AP3B1: variants seen among roughly 807,000 people sequenced by gnomAD.
AP3B1 encodes the protein AP-3 complex subunit beta-1.
AP3B1 carries 61 observed loss-of-function variants against 132.5 expected under a neutral mutation model. The ratio of observed to expected loss-of-function variants is 0.46; its 90% CI spans 0.37 to 0.57. The LOEUF is 0.57. Among genes scored for constraint, AP3B1 ranks in the 20% least tolerant of loss-of-function variants. The probability of loss-of-function intolerance (pLI) is 0.00; values close to 1 mark genes in which losing one functional copy is unlikely to be tolerated. For synonymous variants in AP3B1, 388 were observed against 438.3 expected (o/e 0.89, Z 1.43); for missense variants, 1,120 against 1,289.4 (o/e 0.87, Z 2.01).
intron 22 of AP3B1, among the ~76,000 whole-genome samples, chr5:78,075,297 T>C (rs1749719413): frequency 6.6e-6 from 1 of 152,252 alleles, no homozygotes; most frequent in African/African-American, 2.4e-5. Flanking sequence ...TGCACAATTA[T>C]CCTAATAATT....
intron 5 of AP3B1, among the ~76,000 whole-genome samples, chr5:78,226,462 C>T (rs993140653): frequency 3.9e-5 from 6 of 152,012 alleles, no homozygotes; most frequent in African/African-American, 1.4e-4. Context: ...CTTTACTTTC[C>T]GGTAACAAAA....
intron 6 of AP3B1, among the ~76,000 whole-genome samples, chr5:78,224,113 A>G (rs1257962461): frequency 6.6e-6 from 1 of 152,174 alleles, no homozygotes; most frequent in East Asian, 1.9e-4. Flanking sequence ...AATATTAATA[A>G]TATTGACTTC....
At chr5:78,249,244 G>A (rs1213684787) in intron 2 of AP3B1, among the ~76,000 whole-genome samples, 1 of 152,072 alleles carries the variant, frequency 6.6e-6, no homozygotes, top group Non-Finnish European at 1.5e-5. Flanking sequence ...GGGGGCACCT[G>A]TAATCCCAGC....
At chr5:78,175,061 G>C (rs1369912855) in intron 11 of AP3B1, among the ~76,000 whole-genome samples, 2 of 152,276 alleles carry the variant, frequency 1.3e-5, no homozygotes, top group African/African-American at 4.8e-5. Context: ...TCTGCCGGTT[G>C]CTAAGACCTT....
chr5:78,177,498 A>T, intron 8 of AP3B1, 62 bp from the exon 9 acceptor site: 1 of 1,160,200 alleles, frequency 8.6e-7, no homozygotes. Flanking sequence ...CAACCTCAAA[A>T]TCCATTCCTA....
chr5:78,008,482 C>T (rs186811398), intron 26 of AP3B1, among the ~76,000 whole-genome samples: 210 of 152,276 alleles, frequency 1.4e-3, no homozygotes, highest in East Asian at 7.1e-3. Flanking sequence ...CTGAGGTCCG[C>T]ATTTGTTTGT....
chr5:78,057,679 A>G (rs1748875215), intron 22 of AP3B1, among the ~76,000 whole-genome samples: 1 of 151,274 alleles, frequency 6.6e-6, no homozygotes, highest in African/African-American at 2.4e-5. Context: ...TTATTCTATG[A>G]TTTACTTAAA....
intron 22 of AP3B1, among the ~76,000 whole-genome samples, chr5:78,083,178 T>C (rs1429664509): frequency 6.6e-6 from 1 of 152,150 alleles, no homozygotes; most frequent in Non-Finnish European, 1.5e-5. Flanking sequence ...AACATAATCT[T>C]AAATAGTGAG....
At chr5:78,149,817 T>A (rs1232251905) in intron 14 of AP3B1, among the ~76,000 whole-genome samples, 2 of 152,230 alleles carry the variant, frequency 1.3e-5, no homozygotes, top group African/African-American at 4.8e-5. Context: ...CTATGAGAAG[T>A]CTTGGCTTTG....
rs181709183 is a variant in AP3B1, at chr5:78,072,809, C to T, written c.2577+16584G>A. 3.4e-5 allele frequency among the ~76,000 whole-genome samples: 5 copies of T among 145,958 alleles called. No homozygotes were observed. The East Asian group carries it at 8.4e-4, about 24-fold the overall frequency. ...CAATCTCCGCTCATTGCAACCTCCA[C>T]CTCCCAGGTTCAGGCAATTCTCCTG... On this transcript the variant is annotated intron_variant, in intron 22 of 26. Coordinates refer to ENST00000255194, the MANE Select transcript of AP3B1 (RefSeq NM_003664.5).
intron 7 of AP3B1, among the ~76,000 whole-genome samples, chr5:78,184,128 C>T (rs963300569): frequency 2.0e-5 from 3 of 150,704 alleles, no homozygotes; most frequent in Non-Finnish European, 3.0e-5. Context: ...GAGATTGCGC[C>T]ACTGCACTCC....
intron 17 of AP3B1, among the ~76,000 whole-genome samples, chr5:78,117,287 C>T (rs1251734254): frequency 6.7e-6 from 1 of 149,682 alleles, no homozygotes; most frequent in African/African-American, 2.5e-5. Context: ...TTCTGGAGAG[C>T]AGGGAATTTA....
At chr5:78,261,041 T>C (rs1580559388) in intron 2 of AP3B1, among the ~76,000 whole-genome samples, 1 of 152,234 alleles carries the variant, frequency 6.6e-6, no homozygotes, top group Non-Finnish European at 1.5e-5. Flanking sequence ...TTCCACCTAT[T>C]GGCTTCTATA....
chr5:78,020,994 G>C (rs117001247), intron 24 of AP3B1, among the ~76,000 whole-genome samples: 1 of 151,592 alleles, frequency 6.6e-6, no homozygotes, highest in African/African-American at 2.4e-5. Context: ...TCTCAATCAA[G>C]ATTTTTTAAA....
chr5:78,043,954 G>C, intron 22 of AP3B1: 1 of 317,284 alleles, frequency 3.2e-6, no homozygotes, highest in Non-Finnish European at 6.2e-6. Flanking sequence ...GTCCAACTTG[G>C]AAGGGTTTGT....
intron 17 of AP3B1, among the ~76,000 whole-genome samples, chr5:78,120,288 C>T (rs1183676295): frequency 2.8e-4 from 42 of 152,274 alleles, no homozygotes; most frequent in African/African-American, 8.4e-4. Context: ...CATCAACTAA[C>T]GAGCAAAATA....
chr5:78,123,168 C>T (rs1275897856), intron 17 of AP3B1, among the ~76,000 whole-genome samples: 1 of 152,190 alleles, frequency 6.6e-6, no homozygotes, highest in Non-Finnish European at 1.5e-5. Context: ...AACTGGATCC[C>T]TTCCTTACAC....
intron 6 of AP3B1, among the ~76,000 whole-genome samples, chr5:78,223,547 A>G (rs1746278590): frequency 6.6e-6 from 1 of 152,206 alleles, no homozygotes; most frequent in South Asian, 2.1e-4. Context: ...CAAGTATTCA[A>G]TATTTTTTAC....
At chr5:78,154,692 C>G (rs1024457498) in intron 14 of AP3B1, among the ~76,000 whole-genome samples, 19 of 152,132 alleles carry the variant, frequency 1.2e-4, no homozygotes, top group African/African-American at 4.3e-4. Flanking sequence ...AGCCTGTCTT[C>G]AAGCTCACTA....
Sources: allele counts gnomAD v4.1 joint callset (sites outside exome capture counted in the v4.1 genomes callset), GRCh38; gene constraint gnomAD v4.1.1; transcripts MANE v1.5; gene names NCBI Gene and HGNC (gene_info 2026-07-23, HGNC 2026-07-21).